The following CTSO variants were observed in gnomAD, a reference collection of about 807,000 sequenced individuals.
CTSO encodes the protein cathepsin O.
CTSO carries 40 observed loss-of-function variants against 42.4 expected under a neutral mutation model. The ratio of observed to expected loss-of-function variants is 0.94; its 90% CI spans 0.73 to 1.23. The LOEUF is 1.23. CTSO is among the 50% of genes most tolerant of loss of function. The probability of loss-of-function intolerance (pLI) is 0.00; values close to 1 mark genes in which losing one functional copy is unlikely to be tolerated. For synonymous variants in CTSO, 156 were observed against 146.2 expected (o/e 1.07, Z -0.48); for missense variants, 441 against 396.0 (o/e 1.11, Z -0.96).
intron 5 of CTSO, among the ~76,000 whole-genome samples, 163 bp downstream of exon 5, chr4:155,937,199 C>A (rs1005843320): frequency 5.9e-5 from 9 of 152,062 alleles, no homozygotes; most frequent in African/African-American, 1.9e-4. Context: ...AATTAAGAAA[C>A]AACATTTACA....
chr4:155,938,770 CAAAAACA>C lies in CTSO; in HGVS notation c.552+594_552+600del, dbSNP rs560001301. ...TGAAACCATGTCTTTACTAAAAAAA[CAAAAACA>C]AAAAACAAAAAACAAAAAAAACAAA... On this transcript the variant is annotated intron_variant, in intron 4 of 7. Coordinates refer to ENST00000433477, the MANE Select transcript of CTSO (RefSeq NM_001334.3). 7.5e-3 allele frequency among the ~76,000 whole-genome samples: 1,144 copies of C among 151,772 alleles called. 12 individuals are homozygous for C. The highest frequency in any genetic ancestry group is 0.026 in the African/African-American group (1,073 of 41,394).
At chr4:155,941,309 C>T (rs77471473) in intron 3 of CTSO, among the ~76,000 whole-genome samples, 3,033 of 152,088 alleles carry the variant, frequency 0.02, 44 homozygotes, top group Middle Eastern at 0.037. Flanking sequence ...GGAGTGTAGA[C>T]GGGTAGGGAA....
At chr4:155,943,106 C>A (rs1236809498) in intron 2 of CTSO, 50 bp downstream of exon 2, 2 of 1,048,622 alleles carry the variant, frequency 1.9e-6, no homozygotes, top group Non-Finnish European at 2.9e-6. Flanking sequence ...AAAAGTTAAG[C>A]AAGCAAATTA....
chr4:155,938,633 A>G (rs1432097589), intron 4 of CTSO, among the ~76,000 whole-genome samples: 1 of 152,006 alleles, frequency 6.6e-6, no homozygotes, highest in Non-Finnish European at 1.5e-5. Context: ...TTCATCTATA[A>G]AAAGAGCTAC....
Position 155,929,719 on chromosome 4 carries a change from A to C in CTSO, c.675-14T>G. 6.3e-7 allele frequency: 1 copy of C among 1,596,456 alleles called. No homozygotes were observed. The highest frequency in any genetic ancestry group is 8.5e-7 in the Non-Finnish European group (1 of 1,174,192). On this transcript the variant is annotated splice_polypyrimidine_tract_variant and intron_variant, in intron 5 of 7. Coordinates refer to ENST00000433477, the MANE Select transcript of CTSO (RefSeq NM_001334.3). ...TCTTCTTGGTCACTACCAAAAGAGG[A>C]AATATTTGGTTAGAAAATTTAGTTT...
rs1743165466 is a variant in CTSO at position 155,928,269 on chromosome 4, C to T, written c.931+67G>A. On this transcript the variant is annotated intron_variant, in intron 7 of 7. Transcript: ENST00000433477. ...CTAAAGTGGTTTGAGTAGATTGTAACTCTAAAATATTCAAATAATCTCCTT... is the reference window on the plus strand; with the variant it reads ...CTAAAGTGGTTTGAGTAGATTGTAATTCTAAAATATTCAAATAATCTCCTT... The T allele has an allele frequency of 7.5e-6, 9 of 1,194,632 alleles. No individual in the cohort carries two copies. The South Asian group carries it at 1.1e-4, about 14-fold the overall frequency. The allele number at this position is 1,194,632 out of a possible 1,614,324, so 74.0% of individuals were successfully genotyped here. A position where few individuals can be genotyped will look rare whatever the true frequency, so the allele number is the denominator to read the frequency against.
chr4:155,949,686 A>G (rs1447801943), intron 1 of CTSO, among the ~76,000 whole-genome samples: 3 of 152,198 alleles, frequency 2.0e-5, no homozygotes, highest in Admixed American at 6.5e-5. Context: ...TCGTTTCTGG[A>G]AATTGCAGTA....
Position 155,939,584 on chromosome 4 carries a change from A to G in CTSO, c.385-46T>C, listed in dbSNP as rs371359750. 181 of 1,513,510 alleles carry G rather than the reference A, an allele frequency of 1.2e-4. 1 individual carries two copies. In the African/African-American group the frequency reaches 2.3e-3, roughly 19 times the overall value. 93.8% of individuals were successfully genotyped at this position (1,513,510 alleles called of 1,614,324 possible). ...GGGTGGTATTTCCAGGGTTTAAATC[A>G]ACTTACCAACATCTCTAAATGTAAC... On this transcript the variant is annotated intron_variant, in intron 3 of 7. Coordinates refer to ENST00000433477, the MANE Select transcript of CTSO (RefSeq NM_001334.3).
intron 2 of CTSO, among the ~76,000 whole-genome samples, chr4:155,942,943 A>G (rs770457395): frequency 7.2e-5 from 11 of 152,210 alleles, no homozygotes; most frequent in Non-Finnish European, 1.6e-4. Context: ...AATGTGCATA[A>G]TTATAACATT....
chr4:155,946,726 T>C (rs1256180703), intron 1 of CTSO, among the ~76,000 whole-genome samples: 1 of 152,172 alleles, frequency 6.6e-6, no homozygotes, highest in African/African-American at 2.4e-5. Context: ...AACAGCAAAA[T>C]ACTCTAAACC....
chr4:155,948,153 C>T (rs888167482), intron 1 of CTSO, among the ~76,000 whole-genome samples: 7 of 152,012 alleles, frequency 4.6e-5, no homozygotes, highest in Non-Finnish European at 8.8e-5. Context: ...TAACTCAGAA[C>T]CCAAGAGATT....
intron 5 of CTSO, among the ~76,000 whole-genome samples, chr4:155,934,387 A>G (rs1487771510): frequency 6.6e-6 from 1 of 152,216 alleles, no homozygotes; most frequent in African/African-American, 2.4e-5. Flanking sequence ...AGCGCAGTGC[A>G]GAAGAAAAAT....
At chr4:155,929,746 T>TA (rs755264328) in intron 5 of CTSO, 41 bp from the exon 6 acceptor site, 1 of 1,565,966 alleles carries the variant, frequency 6.4e-7, no homozygotes. Flanking sequence ...ATTTAGTTTT[T>TA]AAGGTAAAAA....
intron 1 of CTSO, among the ~76,000 whole-genome samples, chr4:155,948,071 T>TTTTG (rs1553960507): frequency 2.0e-5 from 3 of 151,478 alleles, no homozygotes; most frequent in Non-Finnish European, 1.5e-5. Context: ...TCACCTTTTT[T>TTTTG]TTGTTGTTGT....
rs555289930 is a variant in CTSO at position 155,941,644 on chromosome 4, G to A, written c.384+673C>T. Among the ~76,000 whole-genome samples the A allele has an allele frequency of 1.5e-3, 226 of 152,254 alleles. 1 individual carries two copies. The highest frequency in any genetic ancestry group is 4.0e-3 in the African/African-American group (168 of 41,548). ...AAAACATATGTCATTGACTAAGCTC[G>A]TAGGTAGTGTAACCTAACCTCATTT... is the stretch of plus-strand genomic sequence containing the variant. On this transcript the variant is annotated intron_variant, in intron 3 of 7. Transcript: ENST00000433477.
chr4:155,951,473 C>T (rs1254621371), intron 1 of CTSO, among the ~76,000 whole-genome samples: 1 of 152,120 alleles, frequency 6.6e-6, no homozygotes, highest in African/African-American at 2.4e-5. Flanking sequence ...CCATAATAAA[C>T]CATAGTGGAG....
intron 5 of CTSO, among the ~76,000 whole-genome samples, chr4:155,932,345 C>T (rs976326695): frequency 4.6e-5 from 7 of 152,118 alleles, no homozygotes; most frequent in South Asian, 2.1e-4. Flanking sequence ...AGTTCTAATC[C>T]GACTCCACAG....
chr4:155,927,388 G>T (rs1743147090), intron 7 of CTSO, among the ~76,000 whole-genome samples: 1 of 152,144 alleles, frequency 6.6e-6, no homozygotes, highest in South Asian at 2.1e-4. Flanking sequence ...TAGACCAAAA[G>T]TTTTAGAATA....
chr4:155,952,434 G>A (rs983170125), intron 1 of CTSO, among the ~76,000 whole-genome samples: 7 of 152,180 alleles, frequency 4.6e-5, no homozygotes, highest in African/African-American at 1.7e-4. Context: ...GAGCCTGACA[G>A]TGTGTTTATT....
Sources: allele counts gnomAD v4.1 joint callset (sites outside exome capture counted in the v4.1 genomes callset), GRCh38; gene constraint gnomAD v4.1.1; transcripts MANE v1.5; gene names NCBI Gene and HGNC (gene_info 2026-07-23, HGNC 2026-07-21).